Variants in ZHX2 observed in about 807,000 individuals in gnomAD.
The protein encoded by ZHX2 is zinc fingers and homeoboxes protein 2.
A neutral mutation model predicts 21.9 loss-of-function variants in ZHX2; 6 were observed. That is an observed-to-expected ratio of 0.27 (90% CI 0.15 to 0.54). The LOEUF (loss-of-function observed/expected upper bound fraction) is 0.54. Ranked by LOEUF, ZHX2 falls within the 20% of genes least tolerant of loss-of-function variation. The pLI is 0.95. For synonymous variants in ZHX2, 434 were observed against 437.1 expected (o/e 0.99, Z 0.09); for missense variants, 908 against 1,090.7 (o/e 0.83, Z 2.36).
chr8:122,862,485 C>T (rs1377057036), intron 1 of ZHX2, among the ~76,000 whole-genome samples: 2 of 152,210 alleles, frequency 1.3e-5, no homozygotes, highest in African/African-American at 2.4e-5. Context: ...ATACAGGCTG[C>T]TCCCATACCG....
At chr8:122,923,340 T>C (rs1270910710) in intron 2 of ZHX2, among the ~76,000 whole-genome samples, 3 of 152,242 alleles carry the variant, frequency 2.0e-5, no homozygotes, top group Admixed American at 6.5e-5. Flanking sequence ...TCTGTCTCCC[T>C]GCTTGGGTAG....
At position 122,817,117 on chromosome 8, in the gene ZHX2, C is replaced by T. The variant is rs116567146; in HGVS notation, c.-283+35171C>T. ...ACTGGCCAGAATGCAGTCACGTGAT[C>T]GTAGCTAACTGCAAGGAAGGTTGGA... On this transcript the variant is annotated intron_variant, in intron 1 of 3. Transcript: ENST00000314393. 6.8e-3 allele frequency among the ~76,000 whole-genome samples: 1,032 copies of T among 152,258 alleles called. 6 individuals are homozygous for T. Among genetic ancestry groups the T allele is most frequent in the African/African-American group, 0.024 (998 of 41,538 alleles).
chr8:122,860,937 G>A (rs745312864), intron 1 of ZHX2, among the ~76,000 whole-genome samples: 1 of 150,068 alleles, frequency 6.7e-6, no homozygotes. Context: ...GGAGGCTGAA[G>A]CAGGAAAATT....
intron 2 of ZHX2, among the ~76,000 whole-genome samples, chr8:122,937,115 A>G (rs1000454398): frequency 5.9e-5 from 9 of 152,362 alleles, no homozygotes; most frequent in African/African-American, 2.2e-4. Flanking sequence ...CAATGCCTGC[A>G]TCCAACCGGG....
At chr8:122,963,787 C>G (rs1378018541) in intron 3 of ZHX2, among the ~76,000 whole-genome samples, 1 of 151,974 alleles carries the variant, frequency 6.6e-6, no homozygotes, top group Non-Finnish European at 1.5e-5. Context: ...TTTGTGTCAT[C>G]TATGGTTTAT....
rs531876438 is a variant in ZHX2, at chr8:122,782,561, T to A, written c.-283+615T>A. Among the ~76,000 whole-genome samples, 7 of 152,070 alleles carry A rather than the reference T, an allele frequency of 4.6e-5. No individual in the cohort carries two copies. Among genetic ancestry groups the A allele is most frequent in the Admixed American group, 4.6e-4 (7 of 15,294 alleles). ...CCGGTGACGATTCGCCGTAATGTGG[T>A]GGCAGGAAGCATGACGCCGTGGGCC... On this transcript the variant is annotated intron_variant, in intron 1 of 3. Transcript: ENST00000314393. The surrounding 1 kb of genome is among the most constrained non-coding windows in gnomAD (Gnocchi z 5.3).
At chr8:122,908,265 T>A (rs1820392207) in intron 2 of ZHX2, among the ~76,000 whole-genome samples, 2 of 152,212 alleles carry the variant, frequency 1.3e-5, no homozygotes, top group African/African-American at 4.8e-5. Flanking sequence ...CAATGTGTGA[T>A]CTCAGCTCAC....
rs371695629 is a variant in ZHX2, at chr8:122,876,029, A to G, written c.-220+12490A>G. Among the ~76,000 whole-genome samples the G allele has an allele frequency of 1.6e-3, 244 of 151,532 alleles. 3 individuals carry two copies. Among genetic ancestry groups the G allele is most frequent in the African/African-American group, 5.5e-3 (228 of 41,294 alleles). On this transcript the variant is annotated intron_variant, in intron 2 of 3. Coordinates refer to ENST00000314393, the MANE Select transcript of ZHX2 (RefSeq NM_014943.5). ...ATCCATCCATCCCATTCATCCATCC[A>G]TCCCTCCACCCACCCATCCATCCAT...
intron 2 of ZHX2, among the ~76,000 whole-genome samples, chr8:122,872,506 G>A (rs1819464917): frequency 1.3e-5 from 2 of 152,136 alleles, no homozygotes; most frequent in East Asian, 3.8e-4. Flanking sequence ...CCAAAGAGAT[G>A]AAGAAAGAAG....
Position 122,952,920 on chromosome 8 carries a change from C to T in ZHX2, c.1410C>T (p.Tyr470=). ...AGTTCCCTGACGATGCCGAGGTTTA[C>T]CGGCTCATCGAGGTGACTGGCCTTG... ...QSQFPDDAEV[Y]RLIEVTGLAR... The change falls in exon 3 of 4, where the codon TAC becomes TAT. Residue 470 remains tyrosine (Y), a synonymous_variant. Transcript: ENST00000314393. This position sits in a 1 kb window ranked among gnomAD's most constrained non-coding sequence, Gnocchi z 6.9. 6.2e-7 allele frequency: 1 copy of T among 1,614,174 alleles called. No individual in the cohort carries two copies. The highest frequency in any genetic ancestry group is 8.5e-7 in the Non-Finnish European group (1 of 1,180,036).
At chr8:122,829,415 G>T (rs976051594) in intron 1 of ZHX2, among the ~76,000 whole-genome samples, 1 of 152,202 alleles carries the variant, frequency 6.6e-6, no homozygotes, top group Admixed American at 6.5e-5. Context: ...GCTTAGAGTT[G>T]GGTAATGAAC....
intron 1 of ZHX2, among the ~76,000 whole-genome samples, chr8:122,825,307 T>C (rs16897513): frequency 0.014 from 2,100 of 152,270 alleles, 50 homozygotes; most frequent in African/African-American, 0.048. Context: ...CATTGCTTTA[T>C]AGCTGGCTTA....
chr8:122,788,800 T>C (rs1454658528), intron 1 of ZHX2, among the ~76,000 whole-genome samples: 1 of 152,192 alleles, frequency 6.6e-6, no homozygotes, highest in Non-Finnish European at 1.5e-5. Context: ...TGATTGCTTT[T>C]CTGATAAGGG....
intron 1 of ZHX2, among the ~76,000 whole-genome samples, chr8:122,846,281 C>T (rs75375529): frequency 0.014 from 2,160 of 152,294 alleles, 66 homozygotes; most frequent in African/African-American, 0.05. Context: ...GACCTAGGCA[C>T]GCACTTTTGC....
At chr8:122,966,193 A>G (rs1813581228) in intron 3 of ZHX2, among the ~76,000 whole-genome samples, 1 of 151,622 alleles carries the variant, frequency 6.6e-6, no homozygotes, top group African/African-American at 2.4e-5. Flanking sequence ...TTCACATTCT[A>G]GTTGTTGCAT....
At chr8:122,887,105 G>C (rs1255147899) in intron 2 of ZHX2, among the ~76,000 whole-genome samples, 5 of 149,320 alleles carry the variant, frequency 3.3e-5, no homozygotes, top group Non-Finnish European at 7.4e-5. Context: ...ACATGAGTGA[G>C]TTAGGAGTGT....
intron 2 of ZHX2, among the ~76,000 whole-genome samples, chr8:122,882,653 T>C (rs17367785): frequency 0.47 from 71,253 of 151,854 alleles, 16,927 homozygotes; most frequent in South Asian, 0.62. Flanking sequence ...TTGCAATCTT[T>C]CCATCACACC....
intron 1 of ZHX2, among the ~76,000 whole-genome samples, chr8:122,856,270 G>A (rs942965363): frequency 6.6e-6 from 1 of 152,114 alleles, no homozygotes; most frequent in African/African-American, 2.4e-5. Flanking sequence ...TCAAATTATT[G>A]TTCCTCGGAG....
intron 1 of ZHX2, among the ~76,000 whole-genome samples, chr8:122,821,319 C>T (rs948433780): frequency 2.6e-5 from 4 of 152,066 alleles, no homozygotes; most frequent in African/African-American, 9.7e-5. Context: ...TGCCTAGGGG[C>T]TTGTTGGGGG....
Sources: gnomAD v4.1 joint callset for allele counts (sites outside exome capture counted in the v4.1 genomes callset) on GRCh38, gnomAD v4.1.1 for gene constraint, Gnocchi (gnomAD v3.1) non-coding constraint, MANE v1.5 for transcripts, NCBI Gene and HGNC (gene_info 2026-07-23, HGNC 2026-07-21) for gene names.